The following WDR62 variants were observed in gnomAD, a reference collection of about 807,000 sequenced individuals.
WDR62 encodes the protein WD repeat-containing protein 62.
In WDR62, 112 loss-of-function variants were observed where a neutral mutation model predicts 160.6. That is an observed-to-expected ratio of 0.70 (90% CI 0.60 to 0.82). The LOEUF is 0.82. Among genes scored for constraint, WDR62 ranks in the 40% least tolerant of loss-of-function variants. The pLI, the probability that WDR62 is intolerant of heterozygous loss-of-function variation, is 0.00. For synonymous variants in WDR62, 792 were observed against 815.1 expected, an observed-to-expected ratio of 0.97 and a Z score of 0.48; for missense variants, 1,819 against 1,983.8, an observed-to-expected ratio of 0.92 and a Z score of 1.58.
intron 2 of WDR62, 179 bp downstream of exon 2, chr19:36,059,050 C>T (rs776478046): frequency 2.8e-6 from 2 of 716,532 alleles, no homozygotes; most frequent in African/African-American, 3.5e-5. Flanking sequence ...TAGAACAGTT[C>T]CTGGCATGTA....
At chr19:36,111,073 G>C in the WDR62 span, 1 of 887,934 alleles carries the variant, frequency 1.1e-6, no homozygotes, top group Non-Finnish European at 1.7e-6. Context: ...GGCCAGCCAG[G>C]AAATTTGCAT....
intron 1 of WDR62, among the ~76,000 whole-genome samples, chr19:36,055,772 T>A (rs367696007): frequency 1.3e-5 from 2 of 152,214 alleles, no homozygotes; most frequent in Non-Finnish European, 2.9e-5. Flanking sequence ...AGAAATGATT[T>A]CACAGTAGGT....
In WDR62 at chr19:36,104,682, TAAGCCCCAGAGTTGGGA is replaced by T; in HGVS notation, c.4311+11_4311+27del. The T allele has an allele frequency of 6.2e-7, 1 of 1,614,064 alleles. No individual in the cohort carries two copies. Among genetic ancestry groups the T allele is most frequent in the Non-Finnish European group, 8.5e-7 (1 of 1,180,004 alleles). On this transcript the variant is annotated splice_region_variant and intron_variant, in intron 31 of 31. Coordinates refer to ENST00000401500, the MANE Select transcript of WDR62 (RefSeq NM_001083961.2). ...CCTCGACCTTTACCGTGTGGTGAGC[TAAGCCCCAGAGTTGGGA>T]AAGGGTTGAGGGGTCTCTTGAGACC...
chr19:36,092,906 T>A, intron 19 of WDR62, 95 bp downstream of exon 19: 2 of 1,588,972 alleles, frequency 1.3e-6, no homozygotes, highest in African/African-American at 2.7e-5. Context: ...AAGACAGCCC[T>A]AGGCCCTGCC....
At chr19:36,062,247 A>G (rs1437921650) in intron 3 of WDR62, 2 of 152,162 alleles carry the variant, frequency 1.3e-5, no homozygotes, top group Non-Finnish European at 2.9e-5. Flanking sequence ...CACTTGGCCA[A>G]ATGTTAGCAT....
At position 36,102,008 on chromosome 19, in the gene WDR62, T is replaced by C. The variant is rs201697990; in HGVS notation, c.3083-6T>C. 23 of 1,614,100 alleles carry C rather than the reference T, an allele frequency of 1.4e-5. No homozygotes were observed. The East Asian group carries it at 4.7e-4, about 33-fold the overall frequency. On this transcript the variant is annotated splice_polypyrimidine_tract_variant and splice_region_variant and intron_variant, in intron 25 of 31. Transcript: ENST00000401500. ...TCCTCTTGTCCCTCCCCTCCTTCCC[T>C]GTCAGGATGCGCAGGTCCCACAGAA... is the stretch of plus-strand genomic sequence containing the variant.
chr19:36,069,370 A>G (rs1252215041), intron 7 of WDR62, among the ~76,000 whole-genome samples: 1 of 151,652 alleles, frequency 6.6e-6, no homozygotes, highest in African/African-American at 2.4e-5. Flanking sequence ...GGCCGGGTAG[A>G]GGCGCTCCTC....
At chr19:36,068,649 T>A (rs747892214) in intron 7 of WDR62, among the ~76,000 whole-genome samples, 2 of 152,228 alleles carry the variant, frequency 1.3e-5, no homozygotes, top group Non-Finnish European at 2.9e-5. Context: ...ACACAGCACA[T>A]GTTTCAGAGA....
In WDR62 at chr19:36,101,322, G is replaced by C. The variant is rs764526313; in HGVS notation, c.2971+5G>C. On this transcript the variant is annotated splice_donor_5th_base_variant and intron_variant, in intron 24 of 31. Coordinates refer to ENST00000401500, the MANE Select transcript of WDR62 (RefSeq NM_001083961.2). The stretch of plus-strand genomic sequence containing the variant: ...AGGACCAGAGCCCGCCTGAGGGTGA[G>C]TGCAGGGCAGGCAGGGACCCTGTGA... 1 of 1,606,966 alleles carries C rather than the reference G, an allele frequency of 6.2e-7. No individual in the cohort carries two copies. The highest frequency in any genetic ancestry group is 1.1e-5 in the South Asian group (1 of 89,448).
At chr19:36,067,760 C>T in intron 6 of WDR62, 68 bp from the exon 7 acceptor site, 1 of 1,553,966 alleles carries the variant, frequency 6.4e-7, no homozygotes. Flanking sequence ...TTTGTTGTGT[C>T]CTATCATCTG....
chr19:36,104,006 C>T, intron 30 of WDR62, 25 bp downstream of exon 30: 2 of 1,597,032 alleles, frequency 1.3e-6, no homozygotes, highest in Non-Finnish European at 1.7e-6. Flanking sequence ...GGAGCAAGGA[C>T]TGTCCCCTAA....
At chr19:36,071,271 T>C (rs1971282440) in intron 7 of WDR62, among the ~76,000 whole-genome samples, 1 of 152,192 alleles carries the variant, frequency 6.6e-6, no homozygotes, top group Admixed American at 6.5e-5. Flanking sequence ...GAAGTTGCAG[T>C]CTGCTGAACA....
At position 36,067,216 on chromosome 19, in the gene WDR62, A is replaced by G. The variant is rs551514340; in HGVS notation, c.562-90A>G. ...CCAGGAAGACAGACTTGGAGTGGGGACGAGCAGGGAGTTCCAGCCTGAGGG... is the reference window on the plus strand; with the variant it reads ...CCAGGAAGACAGACTTGGAGTGGGGGCGAGCAGGGAGTTCCAGCCTGAGGG... On this transcript the variant is annotated intron_variant, in intron 5 of 31. Coordinates refer to ENST00000401500, the MANE Select transcript of WDR62 (RefSeq NM_001083961.2). 8.3e-6 allele frequency: 13 copies of G among 1,569,156 alleles called. No homozygotes were observed. The East Asian group carries it at 1.1e-4, about 14-fold the overall frequency.
downstream of WDR62, chr19:36,105,156 G>C (rs1350209949): frequency 1.6e-6 from 2 of 1,236,478 alleles, no homozygotes; most frequent in East Asian, 5.1e-5. Context: ...CTCTTCAAGT[G>C]GAAGTGGGGA....
intron 7 of WDR62, among the ~76,000 whole-genome samples, chr19:36,069,019 TGGGCAG>T (rs1304760917): frequency 9.0e-5 from 13 of 144,308 alleles, no homozygotes; most frequent in Non-Finnish European, 2.0e-4. Flanking sequence ...GCCGGCTGGC[TGGGCAG>T]GGGCTGACCC....
At chr19:36,068,880 C>T (rs1488742579) in intron 7 of WDR62, among the ~76,000 whole-genome samples, 2 of 150,942 alleles carry the variant, frequency 1.3e-5, no homozygotes, top group African/African-American at 2.4e-5. Context: ...GTACACCTCC[C>T]AGACGGGGTG....
chr19:36,094,518 C>A (rs1985404), intron 20 of WDR62, among the ~76,000 whole-genome samples: 62,604 of 151,316 alleles, frequency 0.41, 13,546 homozygotes, highest in East Asian at 0.56. Flanking sequence ...CGCGCCACTG[C>A]ACTCCAGCCT....
rs1970493106 is a variant in WDR62, at chr19:36,058,764, G to A, written c.178-16G>A. On this transcript the variant is annotated splice_polypyrimidine_tract_variant and intron_variant, in intron 1 of 31. Coordinates refer to ENST00000401500, the MANE Select transcript of WDR62 (RefSeq NM_001083961.2). ...GGCTAGGGTGGGTGCCTCTGACTTG[G>A]GCTTTTTCTTTGCAGGTGTCACTCG... 1 of 1,612,766 alleles carries A rather than the reference G, an allele frequency of 6.2e-7. No homozygotes were observed. The highest frequency in any genetic ancestry group is 1.7e-5 in the Admixed American group (1 of 60,004).
chr19:36,110,534 T>C, the WDR62 span, among the ~76,000 whole-genome samples: 25 of 151,692 alleles, frequency 1.6e-4, no homozygotes, highest in African/African-American at 5.8e-4. Flanking sequence ...GGAGGAAGAG[T>C]GTTGTCCCAG....
Sources: allele counts gnomAD v4.1 joint callset (sites outside exome capture counted in the v4.1 genomes callset), GRCh38; gene constraint gnomAD v4.1.1; transcripts MANE v1.5; gene names NCBI Gene and HGNC (gene_info 2026-07-23, HGNC 2026-07-21).